The following JAK1 variants were observed in gnomAD, a reference collection of about 807,000 sequenced individuals.
JAK1 encodes Janus kinase 1.
Under a neutral mutation model 136.6 loss-of-function variants are expected in JAK1, and 16 were observed. The observed-to-expected ratio is 0.12, with a 90% CI of 0.08 to 0.18. The LOEUF (loss-of-function observed/expected upper bound fraction) is 0.18. JAK1 is among the 10% of genes least tolerant of loss of function. The pLI, the probability that JAK1 is intolerant of heterozygous loss-of-function variation, is 1.00. For missense variants in JAK1, 859 were observed against 1,450.1 expected (o/e 0.59, Z 6.62); for synonymous variants, 492 against 519.5 (o/e 0.95, Z 0.72).
At chr1:64,876,472 G>C (rs1017011392) in intron 4 of JAK1, 3 of 152,176 alleles carry the variant, frequency 2.0e-5, no homozygotes, top group Admixed American at 6.5e-5. Context: ...CTGGAACAAA[G>C]GCTAAAGGTA....
Position 64,857,646 on chromosome 1 carries a change from C to T in JAK1, c.1458+10G>A. On this transcript the variant is annotated intron_variant, in intron 10 of 24. Coordinates refer to ENST00000342505, the MANE Select transcript of JAK1 (RefSeq NM_002227.4). ...TGTATGGCCTGGTCCAAGCCAGTGT[C>T]CTGACTGACCTCAGACTTCTCAAAG... is the stretch of plus-strand genomic sequence containing the variant. 4 of 1,613,898 alleles carry T rather than the reference C, an allele frequency of 2.5e-6. No individual in the cohort carries two copies. The highest frequency in any genetic ancestry group is 3.4e-6 in the Non-Finnish European group (4 of 1,179,930).
chr1:64,929,769 T>C (rs1370004016), intron 1 of JAK1, among the ~76,000 whole-genome samples: 2 of 152,192 alleles, frequency 1.3e-5, no homozygotes, highest in African/African-American at 2.4e-5. Context: ...TCACACTACC[T>C]GACTTCAAAC....
intron 2 of JAK1, chr1:64,974,782 CA>C (rs1484101253): frequency 3.3e-5 from 5 of 152,294 alleles, no homozygotes; most frequent in Non-Finnish European, 2.9e-5. Context: ...AGCACAGTTC[CA>C]AAAGAGCCTT....
Position 64,864,895 on chromosome 1 carries a change from T to C in JAK1, c.1068A>G (p.Lys356=). The part of the protein sequence containing the change: ...LENKHKKDEE[K]NKIREEWNNF... Reference sequence around the variant, plus strand: ...TGTTCCACTCTTCCCGGATCTTGTTTTTCTCCTCATCCTTCTTGTGTTTAT... The same window carrying C: ...TGTTCCACTCTTCCCGGATCTTGTTCTTCTCCTCATCCTTCTTGTGTTTAT... The change falls in exon 8 of 25, where the codon AAA becomes AAG. Residue 356 remains lysine (K), a synonymous_variant. Transcript: ENST00000342505. The C allele has an allele frequency of 6.2e-7, 1 of 1,614,102 alleles. No individual in the cohort carries two copies. The highest frequency in any genetic ancestry group is 1.3e-5 in the African/African-American group (1 of 75,058).
intron 1 of JAK1, among the ~76,000 whole-genome samples, chr1:64,907,588 G>A (rs1008573784): frequency 8.5e-5 from 13 of 152,080 alleles, no homozygotes; most frequent in African/African-American, 3.1e-4. Flanking sequence ...ACTAATGGGT[G>A]CTAGGCTTAA....
chr1:64,931,220 A>C (rs932514239), intron 1 of JAK1, among the ~76,000 whole-genome samples: 5 of 152,154 alleles, frequency 3.3e-5, no homozygotes, highest in Admixed American at 6.5e-5. Context: ...CTTGATTTTC[A>C]AAGAGTCAAA....
In JAK1 at chr1:65,059,144, G is replaced by GA. The variant is rs34865486; in HGVS notation, c.-181+8459dup. ...ATATTATTACCCCATTTTATAGGCA[G>GA]AAAAAAAAAAAAAAAACTTAGGTGA... On this transcript the variant is annotated intron_variant, in intron 1 of 25. Coordinates refer to the JAK1 transcript ENST00000671954. 7.5e-3 allele frequency among the ~76,000 whole-genome samples: 1,031 copies of GA among 137,594 alleles called. 4 individuals are homozygous for GA. The highest frequency in any genetic ancestry group is 0.012 in the Non-Finnish European group (745 of 63,856). The allele number at this position is 137,594 out of a possible 152,430, so 90.3% of individuals were successfully genotyped here.
At chr1:64,841,404 C>T (rs1347241693) in intron 18 of JAK1, 47 bp downstream of exon 18, 15 of 1,612,816 alleles carry the variant, frequency 9.3e-6, no homozygotes, top group Non-Finnish European at 1.3e-5. Flanking sequence ...CACCCAGGCT[C>T]CTGTTTCTCC....
At position 64,961,712 on chromosome 1, in the gene JAK1, AC is replaced by A. The variant is rs759880566; in HGVS notation, c.-78+4620del. ...GCCTAGACTTCCTTCCCACCCTAAA[AC>A]AAAGGAACTCCTACTCACTCCTGAA... On this transcript the variant is annotated intron_variant, in intron 1 of 24. Transcript: ENST00000342505. Among the ~76,000 whole-genome samples the A allele has an allele frequency of 9.5e-3, 1,443 of 152,090 alleles. 37 individuals carry two copies. The highest frequency in any genetic ancestry group is 0.088 in the East Asian group (453 of 5,172).
At chr1:64,869,161 G>A (rs1036748445) in intron 6 of JAK1, 150 bp downstream of exon 6, 13 of 662,700 alleles carry the variant, frequency 2.0e-5, no homozygotes, top group South Asian at 1.3e-4. Flanking sequence ...ATTAGGCTAC[G>A]TGTATGTAGT....
At chr1:64,928,066 C>T (rs1645613703) in intron 1 of JAK1, among the ~76,000 whole-genome samples, 1 of 152,196 alleles carries the variant, frequency 6.6e-6, no homozygotes, top group South Asian at 2.1e-4. Context: ...GGTCTCTCTA[C>T]CATGGGAGTT....
intron 1 of JAK1, among the ~76,000 whole-genome samples, chr1:64,892,359 C>G (rs988096242): frequency 6.6e-6 from 1 of 152,104 alleles, no homozygotes; most frequent in Non-Finnish European, 1.5e-5. Flanking sequence ...TGGCTCACTG[C>G]AGCCTTGACC....
rs376418264 is a variant in JAK1 at position 65,050,812 on chromosome 1, C to T, written c.-180-6230G>A. Among the ~76,000 whole-genome samples the T allele has an allele frequency of 7.9e-5, 12 of 152,280 alleles. No homozygotes were observed. In the South Asian group the frequency reaches 1.7e-3, roughly 21 times the overall value. On this transcript the variant is annotated intron_variant, in intron 1 of 25. Coordinates refer to the JAK1 transcript ENST00000671954. Reference sequence around the variant, plus strand: ...TAATCAACATAATATTAACTTCTTACATTGTTTCTGGACTCAAATGCCTGC... The same window carrying T: ...TAATCAACATAATATTAACTTCTTATATTGTTTCTGGACTCAAATGCCTGC...
intron 1 of JAK1, among the ~76,000 whole-genome samples, chr1:64,908,144 T>C (rs1054823246): frequency 6.6e-6 from 1 of 152,210 alleles, no homozygotes; most frequent in African/African-American, 2.4e-5. Flanking sequence ...GTATTGGTAA[T>C]ATAAAGAGAA....
intron 2 of JAK1, among the ~76,000 whole-genome samples, chr1:65,034,880 C>A (rs372543814): frequency 5.9e-5 from 9 of 152,160 alleles, no homozygotes; most frequent in Middle Eastern, 6.8e-3. Flanking sequence ...CATGGTGAAA[C>A]CTTGTTTCTA....
At chr1:64,858,188 T>C (rs1188535715) in intron 9 of JAK1, among the ~76,000 whole-genome samples, 1 of 152,212 alleles carries the variant, frequency 6.6e-6, no homozygotes, top group African/African-American at 2.4e-5. Context: ...ATGTTGTTTA[T>C]TGTTGTATCA....
At chr1:64,898,967 C>CA in intron 1 of JAK1, among the ~76,000 whole-genome samples, 1 of 152,246 alleles carries the variant, frequency 6.6e-6, no homozygotes, top group South Asian at 2.1e-4. Flanking sequence ...AGTCTTTCTC[C>CA]AAATGAATTT....
At chr1:65,041,248 G>A (rs1647130132) in intron 2 of JAK1, among the ~76,000 whole-genome samples, 1 of 152,184 alleles carries the variant, frequency 6.6e-6, no homozygotes, top group South Asian at 2.1e-4. Context: ...TTACAGTGTT[G>A]AAGGGGGAAG....
At chr1:65,051,575 C>G (rs899349812) in intron 1 of JAK1, among the ~76,000 whole-genome samples, 1 of 152,186 alleles carries the variant, frequency 6.6e-6, no homozygotes, top group Non-Finnish European at 1.5e-5. Context: ...GTGCCCTAGA[C>G]AGCTAGCCCC....
Sources: allele counts gnomAD v4.1 joint callset (sites outside exome capture counted in the v4.1 genomes callset), GRCh38; gene constraint gnomAD v4.1.1; transcripts MANE v1.5; gene names NCBI Gene and HGNC (gene_info 2026-07-23, HGNC 2026-07-21).